DAPP1: variants seen among roughly 807,000 people sequenced by gnomAD.
DAPP1 encodes the protein dual adapter for phosphotyrosine and 3-phosphotyrosine and 3-phosphoinositide.
In DAPP1, 20 loss-of-function variants were observed where a neutral mutation model predicts 41.5. The ratio of observed to expected loss-of-function variants is 0.48; its 90% CI spans 0.34 to 0.70. The LOEUF (loss-of-function observed/expected upper bound fraction) is 0.70, where lower values mean the gene tolerates loss of function less well. DAPP1 is among the 30% of genes least tolerant of loss of function. DAPP1 has a pLI of 0.01. For missense variants in DAPP1, 233 were observed against 333.4 expected (o/e 0.70, Z 2.35); for synonymous variants, 113 against 116.2 (o/e 0.97, Z 0.18).
chr4:99,865,966 TTA>T (rs144437006), intron 7 of DAPP1, 66 bp from the exon 8 acceptor site: 1,216 of 79,392 alleles, frequency 0.015, 3 homozygotes, highest in South Asian at 0.057. Flanking sequence ...ATTATATATA[TTA>T]TATATATATA....
At chr4:99,832,854 C>T (rs181175634) in intron 1 of DAPP1, among the ~76,000 whole-genome samples, 117 of 151,658 alleles carry the variant, frequency 7.7e-4, no homozygotes, top group African/African-American at 2.7e-3. Context: ...TGGAATTTTG[C>T]GAATCAAATA....
At chr4:99,831,965 C>T (rs1723137125) in intron 1 of DAPP1, among the ~76,000 whole-genome samples, 1 of 133,914 alleles carries the variant, frequency 7.5e-6, no homozygotes, top group African/African-American at 2.9e-5. Context: ...TAAAAGGTAA[C>T]ACAACCTTAA....
chr4:99,853,083 A>T (rs1578184617), intron 3 of DAPP1, 135 bp from the exon 4 acceptor site: 2 of 968,362 alleles, frequency 2.1e-6, no homozygotes, highest in African/African-American at 3.3e-5. Context: ...GGTATTTGAT[A>T]ACTGTTGAGA....
At chr4:99,827,697 G>A (rs529355893) in intron 1 of DAPP1, among the ~76,000 whole-genome samples, 1 of 152,180 alleles carries the variant, frequency 6.6e-6, no homozygotes, top group Non-Finnish European at 1.5e-5. Context: ...TGCCTTATGT[G>A]TGCCCAGCAG....
chr4:99,832,567 C>T (rs943883077), intron 1 of DAPP1, among the ~76,000 whole-genome samples: 12 of 152,212 alleles, frequency 7.9e-5, no homozygotes, highest in African/African-American at 2.9e-4. Context: ...CCTGAAAAGG[C>T]AATATTGACT....
chr4:99,860,374 A>G (rs1388690803), intron 4 of DAPP1, among the ~76,000 whole-genome samples: 4 of 152,194 alleles, frequency 2.6e-5, no homozygotes, highest in East Asian at 3.8e-4. Context: ...TTTTGCCTCT[A>G]CAGATTTTAA....
At chr4:99,837,003 A>T (rs1487910355) in intron 2 of DAPP1, among the ~76,000 whole-genome samples, 1 of 152,056 alleles carries the variant, frequency 6.6e-6, no homozygotes, top group Non-Finnish European at 1.5e-5. Flanking sequence ...GCCAGGGGCC[A>T]TTCTCAACTC....
intron 3 of DAPP1, among the ~76,000 whole-genome samples, chr4:99,851,591 A>G (rs551069400): frequency 1.6e-5 from 2 of 121,718 alleles, no homozygotes; most frequent in South Asian, 5.4e-4. Context: ...CTCAGGCTGG[A>G]GTGCAGTGGT....
chr4:99,829,143 A>C (rs1723037675), intron 1 of DAPP1, among the ~76,000 whole-genome samples: 1 of 152,188 alleles, frequency 6.6e-6, no homozygotes, highest in Non-Finnish European at 1.5e-5. Context: ...GAATTGCATA[A>C]AAAATTTATA....
intron 3 of DAPP1, 77 bp from the exon 4 acceptor site, chr4:99,853,141 G>GC (rs1171981585): frequency 2.0e-6 from 3 of 1,535,596 alleles, no homozygotes; most frequent in Admixed American, 2.0e-5. Context: ...TTCCAATCCA[G>GC]CCACAGTTAT....
At chr4:99,841,103 C>T (rs1723480465) in intron 3 of DAPP1, among the ~76,000 whole-genome samples, 1 of 152,150 alleles carries the variant, frequency 6.6e-6, no homozygotes, top group African/African-American at 2.4e-5. Context: ...AATCACAACA[C>T]TTTTGTCCTA....
At chr4:99,870,774 G>T (rs1337841975), downstream of DAPP1, among the ~76,000 whole-genome samples, 1 of 152,194 alleles carries the variant, frequency 6.6e-6, no homozygotes, top group African/African-American at 2.4e-5. Flanking sequence ...AATTCCCTCT[G>T]GGAAAATCCT....
rs1451241355 is a variant in DAPP1, at chr4:99,869,314, A to T, written c.*1129A>T. The T allele has an allele frequency of 6.6e-6, 1 of 152,182 alleles. No individual in the cohort carries two copies. Among genetic ancestry groups the T allele is most frequent in the Non-Finnish European group, 1.5e-5 (1 of 68,026 alleles). The allele number at this position is 152,182 out of a possible 1,614,324, so 9.4% of individuals were successfully genotyped here. ...AGGCAAATAGAAGAATGAGATACTGATGTCCACAGTTCATTGGCAGAATCT... is the reference window on the plus strand; with the variant it reads ...AGGCAAATAGAAGAATGAGATACTGTTGTCCACAGTTCATTGGCAGAATCT... On this transcript the variant is annotated 3_prime_UTR_variant, in exon 9 of 9. Transcript: ENST00000512369.
chr4:99,858,401 A>G (rs1199168273), intron 4 of DAPP1, among the ~76,000 whole-genome samples: 4 of 152,234 alleles, frequency 2.6e-5, no homozygotes, highest in Non-Finnish European at 4.4e-5. Context: ...CAAATACCAC[A>G]AAAGTGATGC....
chr4:99,836,320 C>T (rs936178195), intron 2 of DAPP1, among the ~76,000 whole-genome samples: 1 of 152,200 alleles, frequency 6.6e-6, no homozygotes, highest in African/African-American at 2.4e-5. Context: ...AGGTCCTCCC[C>T]ACCTCACACC....
At chr4:99,823,593 C>T (rs775143296) in intron 1 of DAPP1, among the ~76,000 whole-genome samples, 1 of 152,132 alleles carries the variant, frequency 6.6e-6, no homozygotes, top group Non-Finnish European at 1.5e-5. Context: ...CTCTTGCTTC[C>T]CTCTGAAAGC....
intron 7 of DAPP1, chr4:99,864,319 A>C (rs1034920656): frequency 4.6e-5 from 7 of 153,506 alleles, no homozygotes; most frequent in African/African-American, 1.7e-4. Context: ...CTTTTATTTT[A>C]AAGTTTTTCA....
chr4:99,860,939 A>C (rs925102805), intron 4 of DAPP1, among the ~76,000 whole-genome samples: 8 of 152,184 alleles, frequency 5.3e-5, no homozygotes, highest in Non-Finnish European at 7.3e-5. Flanking sequence ...TTACGTTTGA[A>C]TTAATGACAA....
chr4:99,832,446 A>C lies in DAPP1; in HGVS notation c.102-3177A>C, dbSNP rs150525022. Among the ~76,000 whole-genome samples the C allele has an allele frequency of 2.8e-3, 424 of 152,338 alleles. 3 individuals carry two copies. Among genetic ancestry groups the C allele is most frequent in the African/African-American group, 9.6e-3 (400 of 41,566 alleles). On this transcript the variant is annotated intron_variant, in intron 1 of 8. Transcript: ENST00000512369. ...AAGGGGAAGTTTAGGTTTTTGTGGA[A>C]AAGCTATTTGGGGAATGAGGATCCT...
Sources: gnomAD v4.1 joint callset for allele counts (sites outside exome capture counted in the v4.1 genomes callset) on GRCh38, gnomAD v4.1.1 for gene constraint, MANE v1.5 for transcripts, NCBI Gene and HGNC (gene_info 2026-07-23, HGNC 2026-07-21) for gene names.